KCNT2: variants seen among roughly 807,000 people sequenced by gnomAD.
The protein encoded by KCNT2 is potassium channel subfamily T member 2.
A neutral mutation model predicts 153.8 loss-of-function variants in KCNT2; 67 were observed. That is an observed-to-expected ratio of 0.44 (90% confidence interval 0.36 to 0.53). The LOEUF (loss-of-function observed/expected upper bound fraction) is 0.53. KCNT2 is among the 20% of genes least tolerant of loss of function. The pLI, the probability that KCNT2 is intolerant of heterozygous loss-of-function variation, is 0.00. For missense variants in KCNT2, 975 were observed against 1,354.8 expected (o/e 0.72, Z 4.40); for synonymous variants, 500 against 458.8 (o/e 1.09, Z -1.15).
chr1:196,243,393 G>A (rs936877854), intron 26 of KCNT2, among the ~76,000 whole-genome samples: 2 of 152,188 alleles, frequency 1.3e-5, no homozygotes, highest in African/African-American at 2.4e-5. Flanking sequence ...GATGAGGTGA[G>A]CAACTACAGC....
intron 12 of KCNT2, among the ~76,000 whole-genome samples, chr1:196,420,857 G>A (rs1365543071): frequency 1.3e-5 from 2 of 151,970 alleles, no homozygotes; most frequent in African/African-American, 4.8e-5. Context: ...AGTATCCCTG[G>A]ATCAAATTCT....
chr1:196,353,727 T>G (rs538344378), intron 14 of KCNT2, among the ~76,000 whole-genome samples: 1 of 152,108 alleles, frequency 6.6e-6, no homozygotes, highest in African/African-American at 2.4e-5. Context: ...TTCAAAATAA[T>G]CAACCAAGTG....
intron 1 of KCNT2, among the ~76,000 whole-genome samples, chr1:196,598,113 T>C (rs1378349411): frequency 6.6e-6 from 1 of 152,114 alleles, no homozygotes; most frequent in Non-Finnish European, 1.5e-5. Flanking sequence ...AGCAAATAAA[T>C]GGATGACCCT....
At chr1:196,440,550 T>C (rs1159512900) in intron 8 of KCNT2, among the ~76,000 whole-genome samples, 1 of 152,022 alleles carries the variant, frequency 6.6e-6, no homozygotes, top group Non-Finnish European at 1.5e-5. Flanking sequence ...TGTGAGCCTA[T>C]AATTTGTGCT....
intron 1 of KCNT2, among the ~76,000 whole-genome samples, chr1:196,513,659 C>G (rs1681819815): frequency 6.6e-6 from 1 of 152,190 alleles, no homozygotes; most frequent in South Asian, 2.1e-4. Context: ...ACTTTCTATG[C>G]TTCCTGAACC....
chr1:196,324,709 A>G (rs1663672179), intron 19 of KCNT2, among the ~76,000 whole-genome samples: 1 of 152,078 alleles, frequency 6.6e-6, no homozygotes, highest in African/African-American at 2.4e-5. Context: ...CAGATGAATT[A>G]TTATCTGATA....
intron 1 of KCNT2, among the ~76,000 whole-genome samples, chr1:196,546,124 T>G (rs1657060981): frequency 1.3e-5 from 2 of 152,184 alleles, no homozygotes; most frequent in South Asian, 4.1e-4. Flanking sequence ...CAGTTTATAT[T>G]TGCACCAAAC....
chr1:196,255,282 A>G (rs1233396216), intron 26 of KCNT2, among the ~76,000 whole-genome samples: 3 of 151,792 alleles, frequency 2.0e-5, no homozygotes, highest in Non-Finnish European at 4.4e-5. Flanking sequence ...TACCCCTGGG[A>G]AATACTTTAT....
intron 1 of KCNT2, among the ~76,000 whole-genome samples, chr1:196,512,408 C>A (rs1681705578): frequency 6.6e-6 from 1 of 152,128 alleles, no homozygotes. Flanking sequence ...ACTTGGATCT[C>A]TATCAGACAT....
chr1:196,258,778 ATAGT>A (rs1057123909), intron 25 of KCNT2: 9 of 357,402 alleles, frequency 2.5e-5, no homozygotes, highest in African/African-American at 1.5e-4. Context: ...CTTAGCATAC[ATAGT>A]TATTTATGAT....
intron 1 of KCNT2, among the ~76,000 whole-genome samples, chr1:196,557,002 G>A (rs1658760940): frequency 2.0e-5 from 3 of 151,050 alleles, no homozygotes; most frequent in Non-Finnish European, 3.0e-5. Context: ...TATTGGGAGA[G>A]GAGGGTGGAA....
At chr1:196,238,913 C>A (rs927408118) in intron 26 of KCNT2, among the ~76,000 whole-genome samples, 10 of 151,920 alleles carry the variant, frequency 6.6e-5, no homozygotes, top group African/African-American at 2.4e-4. Flanking sequence ...ACAATAGTTT[C>A]TATTAGCCAT....
chr1:196,566,013 G>A (rs1490666284), intron 1 of KCNT2, among the ~76,000 whole-genome samples: 1 of 151,738 alleles, frequency 6.6e-6, no homozygotes, highest in Non-Finnish European at 1.5e-5. Context: ...GATTATATAT[G>A]CTAATTAGCT....
chr1:196,370,890 A>G (rs909902785), intron 14 of KCNT2, among the ~76,000 whole-genome samples: 19 of 152,228 alleles, frequency 1.2e-4, no homozygotes, highest in African/African-American at 3.9e-4. Flanking sequence ...GTGCTGGTGC[A>G]TATTACAATA....
intron 27 of KCNT2, among the ~76,000 whole-genome samples, chr1:196,229,083 C>T (rs1173231481): frequency 6.6e-6 from 1 of 152,074 alleles, no homozygotes; most frequent in Non-Finnish European, 1.5e-5. Context: ...AGTTGTCTTA[C>T]TTTAGACTGT....
intron 1 of KCNT2, among the ~76,000 whole-genome samples, chr1:196,527,502 A>G (rs75719968): frequency 0.03 from 4,615 of 152,286 alleles, 237 homozygotes; most frequent in African/African-American, 0.11. Flanking sequence ...GATATTAATA[A>G]TCTAACAAAT....
intron 3 of KCNT2, among the ~76,000 whole-genome samples, chr1:196,485,650 T>C (rs567831948): frequency 9.9e-5 from 15 of 151,664 alleles, no homozygotes; most frequent in Non-Finnish European, 2.1e-4. Context: ...AAAAAAAAAG[T>C]CCTACAAATC....
chr1:196,435,113 A>C (rs1674504254), intron 8 of KCNT2, among the ~76,000 whole-genome samples: 1 of 140,114 alleles, frequency 7.1e-6, no homozygotes, highest in Non-Finnish European at 1.5e-5. Context: ...CTATTTAGCA[A>C]TAGATACTTA....
chr1:196,508,079 ACT>A (rs1382937146), intron 1 of KCNT2, among the ~76,000 whole-genome samples: 1 of 151,344 alleles, frequency 6.6e-6, no homozygotes, highest in Non-Finnish European at 1.5e-5. Flanking sequence ...CAATAAATTG[ACT>A]CATGCATATA....
Sources: gnomAD v4.1 joint callset for allele counts (sites outside exome capture counted in the v4.1 genomes callset) on GRCh38, gnomAD v4.1.1 for gene constraint, MANE v1.5 for transcripts, NCBI Gene and HGNC (gene_info 2026-07-23, HGNC 2026-07-21) for gene names.